RILPL2: variants seen among roughly 807,000 people sequenced by gnomAD.
RILPL2 encodes Rab interacting lysosomal protein like 2.
In RILPL2, 19 loss-of-function variants were observed where a neutral mutation model predicts 22.2. The observed-to-expected ratio is 0.86, with a 90% CI of 0.60 to 1.25. The LOEUF is 1.25. Among genes scored for constraint, RILPL2 ranks in the 50% most tolerant of loss-of-function variants. The probability of loss-of-function intolerance (pLI) is 0.00; values close to 1 mark genes in which losing one functional copy is unlikely to be tolerated. For synonymous variants in RILPL2, 123 were observed against 111.6 expected, an observed-to-expected ratio of 1.10 and a Z score of -0.64; for missense variants, 243 against 263.6, an observed-to-expected ratio of 0.92 and a Z score of 0.54.
chr12:123,431,114 C>T (rs1024533105), intron 1 of RILPL2, among the ~76,000 whole-genome samples: 3 of 152,140 alleles, frequency 2.0e-5, no homozygotes, highest in African/African-American at 7.2e-5. Context: ...ACCACAGCAG[C>T]TCTATTTACA....
At position 123,423,073 on chromosome 12, in the gene RILPL2, G is replaced by T. The variant is rs199584301; in HGVS notation, c.576C>A (p.Asn192Lys). 1.3e-5 allele frequency: 21 copies of T among 1,613,262 alleles called. No homozygotes were observed. Among genetic ancestry groups the T allele is most frequent in the East Asian group, 2.2e-5 (1 of 44,832 alleles). ...VVTSAKNAGR[N>K]KEEKTIIKKL... is the part of the protein sequence containing the mutation. ...TTTTTATGATTGTCTTCTCCTCCTTGTTCCTGCCAGCATTTTTGGCACTAG... is the reference window on the plus strand; with the variant it reads ...TTTTTATGATTGTCTTCTCCTCCTTTTTCCTGCCAGCATTTTTGGCACTAG... Residue 192 changes from asparagine (N) to lysine (K), a missense_variant, in exon 3 of 4, where the codon AAC becomes AAA. Transcript: ENST00000280571.
chr12:123,426,708 C>T (rs2139244255), intron 2 of RILPL2, among the ~76,000 whole-genome samples: 1 of 151,966 alleles, frequency 6.6e-6, no homozygotes, highest in East Asian at 1.9e-4. Flanking sequence ...CTCACGCCAT[C>T]CTCCTGCCTC....
chr12:123,409,714 C>CTTTTTTTT, the RILPL2 span, among the ~76,000 whole-genome samples: 1 of 90,586 alleles, frequency 1.1e-5, no homozygotes, highest in African/African-American at 5.5e-5. Flanking sequence ...CACACCTGGC[C>CTTTTTTTT]TTTTTTTTTT....
chr12:123,409,549 G>GC, the RILPL2 span, among the ~76,000 whole-genome samples: 7,227 of 140,170 alleles, frequency 0.052, 325 homozygotes, highest in East Asian at 0.25. Flanking sequence ...AAAAGTTAAT[G>GC]CTTTTTTTTT....
intron 1 of RILPL2, 133 bp downstream of exon 1, chr12:123,435,949 G>T: frequency 7.7e-7 from 1 of 1,292,892 alleles, no homozygotes; most frequent in Non-Finnish European, 1.0e-6. Context: ...GCAACACAGC[G>T]AGATCCCATC....
rs764883911 is a variant in RILPL2, at chr12:123,430,673, C to T, written c.340-14G>A. The T allele has an allele frequency of 6.3e-5, 99 of 1,560,604 alleles. No homozygotes were observed. Among genetic ancestry groups the T allele is most frequent in the Middle Eastern group, 3.5e-4 (2 of 5,782 alleles). The stretch of plus-strand genomic sequence containing the variant: ...GCCCAGGTTCACCTGGAAGAAAAGA[C>T]GCAACCTTTGCAAGCAACTCTATAT... On this transcript the variant is annotated splice_polypyrimidine_tract_variant and intron_variant, in intron 1 of 3. Coordinates refer to ENST00000280571, the MANE Select transcript of RILPL2 (RefSeq NM_145058.3).
intron 2 of RILPL2, among the ~76,000 whole-genome samples, chr12:123,425,810 T>C (rs1484339873): frequency 6.6e-6 from 1 of 151,848 alleles, no homozygotes; most frequent in Admixed American, 6.6e-5. Context: ...CCACCATGCC[T>C]GGCTAATTTT....
rs1450470238 is a variant in RILPL2, at chr12:123,436,279, A to G, written c.142T>C (p.Leu48=). The change falls in exon 1 of 4, where the codon TTG becomes CTG. Residue 48 remains leucine, a synonymous_variant. Coordinates refer to ENST00000280571, the MANE Select transcript of RILPL2 (RefSeq NM_145058.3). This position sits in a 1 kb window ranked among gnomAD's most constrained non-coding sequence, Gnocchi z 6.7. ...AEDVYDISYL[L]GRELMALGSD... ...CCCAGGGCCATAAGCTCGCGGCCCA[A>G]CAGGTAGGAGATGTCATACACGTCC... 3.1e-6 allele frequency: 5 copies of G among 1,607,360 alleles called. No individual in the cohort carries two copies. The highest frequency in any genetic ancestry group is 2.7e-5 in the African/African-American group (2 of 74,766).
intron 2 of RILPL2, among the ~76,000 whole-genome samples, chr12:123,428,981 C>T (rs1448417060): frequency 6.6e-6 from 1 of 152,080 alleles, no homozygotes; most frequent in Non-Finnish European, 1.5e-5. Context: ...GACTACAGAG[C>T]CCCCTTTTCA....
intron 3 of RILPL2, among the ~76,000 whole-genome samples, chr12:123,417,804 C>T (rs914580207): frequency 2.0e-5 from 3 of 152,214 alleles, no homozygotes; most frequent in South Asian, 2.1e-4. Context: ...AGGTTCGTCT[C>T]GAACTCTGGG....
Position 123,431,600 on chromosome 12 carries a change from G to T in RILPL2, c.340-941C>A, listed in dbSNP as rs1166007481. 3.9e-5 allele frequency among the ~76,000 whole-genome samples: 6 copies of T among 152,000 alleles called. No homozygotes were observed. The South Asian group carries it at 6.2e-4, about 16-fold the overall frequency. On this transcript the variant is annotated intron_variant, in intron 1 of 3. Transcript: ENST00000280571. ...GCACTTTGGGAGGCCGAGGCGGGCG[G>T]ATCACCAGGTCAGGAGACAGAGACC... is the stretch of plus-strand genomic sequence containing the variant.
chr12:123,428,671 GCA>G (rs2139246914), intron 2 of RILPL2, among the ~76,000 whole-genome samples: 1 of 152,232 alleles, frequency 6.6e-6, no homozygotes, highest in African/African-American at 2.4e-5. Flanking sequence ...CTAATTACAA[GCA>G]CAGTCTCTGA....
chr12:123,426,835 C>T (rs949780313), intron 2 of RILPL2, among the ~76,000 whole-genome samples: 1 of 152,064 alleles, frequency 6.6e-6, no homozygotes, highest in African/African-American at 2.4e-5. Context: ...ATCTCCTGAC[C>T]TCGTGATCTG....
chr12:123,433,849 A>C (rs1013967002), intron 1 of RILPL2, among the ~76,000 whole-genome samples: 1 of 152,190 alleles, frequency 6.6e-6, no homozygotes, highest in African/African-American at 2.4e-5. Context: ...GCAGTCACTC[A>C]TCAAATGTTA....
Position 123,436,498 on chromosome 12 carries a change from A to C in RILPL2, c.-78T>G. ...GGTTAGACTTCCTCCCGGCACCCAA[A>C]ACTTTCCGCTGGGCAGAGTCCCTAC... On this transcript the variant is annotated 5_prime_UTR_variant, in exon 1 of 4. Transcript: ENST00000280571. This position sits in a 1 kb window ranked among gnomAD's most constrained non-coding sequence, Gnocchi z 6.7. The C allele has an allele frequency of 6.7e-7, 1 of 1,491,558 alleles. No individual in the cohort carries two copies. The highest frequency in any genetic ancestry group is 8.9e-7 in the Non-Finnish European group (1 of 1,122,350). 92.4% of individuals were successfully genotyped at this position (1,491,558 alleles called of 1,614,324 possible). A position where few individuals can be genotyped will look rare whatever the true frequency, so the allele number is the denominator to read the frequency against.
chr12:123,433,232 G>A (rs544559618), intron 1 of RILPL2, among the ~76,000 whole-genome samples: 1 of 149,672 alleles, frequency 6.7e-6, no homozygotes, highest in Non-Finnish European at 1.5e-5. Context: ...TTAGCCTCCC[G>A]AGTAGCTGGG....
Position 123,416,159 on chromosome 12 carries a change from T to TAA in RILPL2, c.606-240_606-239dup, listed in dbSNP as rs11389907. Reference sequence around the variant, plus strand: ...GGGCAGCATAGTGAGACCCCATCTCTAAAAAAAAAAAAAAATTAACCAGGC... The same window carrying TAA: ...GGGCAGCATAGTGAGACCCCATCTCTAAAAAAAAAAAAAAAAATTAACCAGGC... On this transcript the variant is annotated intron_variant, in intron 3 of 3. Transcript: ENST00000280571. 3.4e-3 allele frequency among the ~76,000 whole-genome samples: 488 copies of TAA among 142,602 alleles called. 2 individuals carry two copies. Among genetic ancestry groups the TAA allele is most frequent in the Admixed American group, 6.1e-3 (86 of 14,208 alleles). 93.6% of individuals were successfully genotyped at this position (142,602 alleles called of 152,430 possible).
At chr12:123,424,747 C>T (rs1294719284) in intron 2 of RILPL2, among the ~76,000 whole-genome samples, 1 of 152,198 alleles carries the variant, frequency 6.6e-6, no homozygotes, top group African/African-American at 2.4e-5. Context: ...AATTACGGCA[C>T]AGTACAACTC....
At chr12:123,424,766 C>T (rs1052385687) in intron 2 of RILPL2, among the ~76,000 whole-genome samples, 3 of 152,190 alleles carry the variant, frequency 2.0e-5, no homozygotes, top group Admixed American at 1.3e-4. Context: ...TCATTACATC[C>T]ACTTAAGCGT....
Sources: allele counts gnomAD v4.1 joint callset (sites outside exome capture counted in the v4.1 genomes callset), GRCh38; gene constraint gnomAD v4.1.1; non-coding constraint Gnocchi (gnomAD v3.1); transcripts MANE v1.5; gene names NCBI Gene and HGNC (gene_info 2026-07-23, HGNC 2026-07-21).